The following SLC35A1 variants were observed in gnomAD, a reference collection of about 807,000 sequenced individuals.
SLC35A1 encodes CMP-sialic acid transporter.
In SLC35A1, 21 loss-of-function variants were observed where a neutral mutation model predicts 40.3. The observed-to-expected ratio is 0.52, with a 90% confidence interval of 0.37 to 0.75. SLC35A1 has a LOEUF of 0.75. SLC35A1 is among the 30% of genes least tolerant of loss of function. The probability of loss-of-function intolerance (pLI) is 0.00; values close to 1 mark genes in which losing one functional copy is unlikely to be tolerated. For missense variants in SLC35A1, 297 were observed against 382.1 expected, an observed-to-expected ratio of 0.78 and a Z score of 1.86; for synonymous variants, 146 against 147.3, an observed-to-expected ratio of 0.99 and a Z score of 0.06.
chr6:87,495,803 A>C (rs908469311), intron 2 of SLC35A1, among the ~76,000 whole-genome samples: 2 of 151,782 alleles, frequency 1.3e-5, no homozygotes, highest in Non-Finnish European at 2.9e-5. Flanking sequence ...CTACAGGTGC[A>C]TGCCACCACG....
At position 87,512,175 on chromosome 6, in the gene SLC35A1, C is replaced by G. The variant is rs1562029591; in HGVS notation, c.*649C>G. ...TCATTATCTGGTTCATATTTCTTTT[C>G]TGTTAGATGATACACATTTCTTCAA... On this transcript the variant is annotated 3_prime_UTR_variant, in exon 8 of 8. Transcript: ENST00000369552. The G allele has an allele frequency of 6.5e-6, 1 of 152,710 alleles. No individual in the cohort carries two copies. Among genetic ancestry groups the G allele is most frequent in the Non-Finnish European group, 1.5e-5 (1 of 68,176 alleles). 9.5% of individuals were successfully genotyped at this position (152,710 alleles called of 1,614,324 possible). A position where few individuals can be genotyped will look rare whatever the true frequency, so the allele number is the denominator to read the frequency against.
At chr6:87,502,333 C>G (rs1769944290) in intron 4 of SLC35A1, among the ~76,000 whole-genome samples, 1 of 152,172 alleles carries the variant, frequency 6.6e-6, no homozygotes, top group East Asian at 1.9e-4. Flanking sequence ...CCCCTTTGTT[C>G]TGAATACCGG....
At chr6:87,482,347 A>G (rs762833141) in intron 2 of SLC35A1, among the ~76,000 whole-genome samples, 2 of 151,208 alleles carry the variant, frequency 1.3e-5, no homozygotes, top group Non-Finnish European at 2.9e-5. Flanking sequence ...AAGTTAGGAT[A>G]ATACATATTA....
Position 87,472,991 on chromosome 6 carries a change from C to G in SLC35A1, c.-13C>G. ...GGGCGGGCGTCAGTTCCGCGGGGGG[C>G]TGTCGGGGAACCATGGCTGCCCCGA... is the stretch of plus-strand genomic sequence containing the variant. On this transcript the variant is annotated 5_prime_UTR_variant, in exon 1 of 8. Coordinates refer to ENST00000369552, the MANE Select transcript of SLC35A1 (RefSeq NM_006416.5). The G allele has an allele frequency of 1.5e-6, 1 of 669,176 alleles. No homozygotes were observed. The highest frequency in any genetic ancestry group is 2.3e-6 in the Non-Finnish European group (1 of 436,942). The allele number at this position is 669,176 out of a possible 1,614,324, so 41.5% of individuals were successfully genotyped here.
intron 2 of SLC35A1, among the ~76,000 whole-genome samples, chr6:87,479,413 G>A (rs949606492): frequency 2.0e-5 from 3 of 152,156 alleles, no homozygotes; most frequent in Non-Finnish European, 4.4e-5. Context: ...ACCCATTACA[G>A]CTGTGAGGGA....
chr6:87,483,165 C>T (rs1769292053), intron 2 of SLC35A1, among the ~76,000 whole-genome samples: 2 of 150,472 alleles, frequency 1.3e-5, no homozygotes, highest in Non-Finnish European at 3.0e-5. Flanking sequence ...TTCTCTCTGT[C>T]TCTCTCTCTC....
At chr6:87,501,584 C>CT (rs1443866293) in intron 4 of SLC35A1, among the ~76,000 whole-genome samples, 2 of 152,148 alleles carry the variant, frequency 1.3e-5, no homozygotes, top group Non-Finnish European at 2.9e-5. Context: ...GGATGACAGT[C>CT]CCCAAAGAGG....
chr6:87,494,548 G>A (rs562983638), intron 2 of SLC35A1, among the ~76,000 whole-genome samples: 53 of 151,318 alleles, frequency 3.5e-4, no homozygotes, highest in Admixed American at 1.2e-3. Flanking sequence ...TCAGCCTCGC[G>A]AGGAGCTGGG....
intron 2 of SLC35A1, among the ~76,000 whole-genome samples, chr6:87,490,122 C>G (rs1002440120): frequency 2.7e-4 from 41 of 151,528 alleles, no homozygotes; most frequent in African/African-American, 9.5e-4. Context: ...CCAGCTACTT[C>G]AGGGGCTGAG....
rs536118473 is a variant in SLC35A1 at position 87,501,722 on chromosome 6, C to T, written c.507+412C>T. On this transcript the variant is annotated intron_variant, in intron 4 of 7. Coordinates refer to ENST00000369552, the MANE Select transcript of SLC35A1 (RefSeq NM_006416.5). The stretch of plus-strand genomic sequence containing the variant: ...CTCAGAAACACTGGGCAAGGTTTTT[C>T]TGCATCTAGTTTTCATCTTCTCTCT... Among the ~76,000 whole-genome samples, 17 of 152,318 alleles carry T rather than the reference C, an allele frequency of 1.1e-4. 1 individual carries two copies. The highest frequency in any genetic ancestry group is 8.5e-4 in the Admixed American group (13 of 15,296).
chr6:87,484,821 C>T (rs553916550), intron 2 of SLC35A1, among the ~76,000 whole-genome samples: 19 of 152,268 alleles, frequency 1.2e-4, no homozygotes, highest in African/African-American at 3.4e-4. Flanking sequence ...AAGAATTGAA[C>T]GTACTGACAT....
chr6:87,492,282 T>A (rs1213982548), intron 2 of SLC35A1, among the ~76,000 whole-genome samples: 1 of 152,164 alleles, frequency 6.6e-6, no homozygotes, highest in Non-Finnish European at 1.5e-5. Flanking sequence ...TTCAGTCCTG[T>A]CCAGGATTAC....
chr6:87,478,450 T>C (rs1769140478), intron 2 of SLC35A1, among the ~76,000 whole-genome samples: 1 of 152,186 alleles, frequency 6.6e-6, no homozygotes, highest in South Asian at 2.1e-4. Context: ...AGTTAAGAAG[T>C]CATACAGGTT....
intron 7 of SLC35A1, among the ~76,000 whole-genome samples, chr6:87,510,154 T>C (rs1274385800): frequency 6.6e-6 from 1 of 152,172 alleles, no homozygotes; most frequent in Non-Finnish European, 1.5e-5. Context: ...TATTGCCTAG[T>C]GGTGTTTTCA....
Position 87,498,269 on chromosome 6 carries a change from T to C in SLC35A1, c.195-2239T>C, listed in dbSNP as rs557061837. Among the ~76,000 whole-genome samples, 14 of 152,302 alleles carry C rather than the reference T, an allele frequency of 9.2e-5. No homozygotes were observed. The East Asian group carries it at 2.1e-3, about 23-fold the overall frequency. On this transcript the variant is annotated intron_variant, in intron 2 of 7. Coordinates refer to ENST00000369552, the MANE Select transcript of SLC35A1 (RefSeq NM_006416.5). The stretch of plus-strand genomic sequence containing the variant: ...ATCATCAGTGTATGAGTCAGCATTT[T>C]AGAAGGGCACTAAAACTTGCACTTC...
At chr6:87,487,378 G>T (rs1355280428) in intron 2 of SLC35A1, among the ~76,000 whole-genome samples, 2 of 152,164 alleles carry the variant, frequency 1.3e-5, no homozygotes, top group Non-Finnish European at 2.9e-5. Context: ...AGTAGAATCT[G>T]TAGGACTTCG....
chr6:87,496,950 A>G (rs1582185025), intron 2 of SLC35A1, among the ~76,000 whole-genome samples: 1 of 152,090 alleles, frequency 6.6e-6, no homozygotes, highest in Non-Finnish European at 1.5e-5. Context: ...TAGCAGATAT[A>G]TTGCTCTTGT....
intron 4 of SLC35A1, among the ~76,000 whole-genome samples, chr6:87,504,843 A>G (rs1770030478): frequency 6.6e-6 from 1 of 152,222 alleles, no homozygotes; most frequent in African/African-American, 2.4e-5. Context: ...AGATGTTGGG[A>G]TAGGTGGTAT....
At chr6:87,490,012 T>G (rs1769499905) in intron 2 of SLC35A1, among the ~76,000 whole-genome samples, 1 of 151,988 alleles carries the variant, frequency 6.6e-6, no homozygotes, top group Non-Finnish European at 1.5e-5. Flanking sequence ...GTGGATTGCT[T>G]GAGGCCAGGG....
Sources: allele counts gnomAD v4.1 joint callset (sites outside exome capture counted in the v4.1 genomes callset), GRCh38; gene constraint gnomAD v4.1.1; transcripts MANE v1.5; gene names NCBI Gene and HGNC (gene_info 2026-07-23, HGNC 2026-07-21).